ADCY2: variants seen among roughly 807,000 people sequenced by gnomAD.
The protein encoded by ADCY2 is adenylate cyclase 2, also known as adenylate cyclase type 2.
Under a neutral mutation model 125.2 loss-of-function variants are expected in ADCY2, and 31 were observed. The observed-to-expected ratio is 0.25, with a 90% confidence interval of 0.19 to 0.33. The LOEUF (loss-of-function observed/expected upper bound fraction) is 0.33. Ranked by LOEUF, ADCY2 falls within the 10% of genes least tolerant of loss-of-function variation. The pLI is 1.00. For missense variants in ADCY2, 904 were observed against 1,418.2 expected (o/e 0.64, Z 5.82); for synonymous variants, 512 against 548.4 (o/e 0.93, Z 0.93).
At position 7,533,580 on chromosome 5, in the gene ADCY2, C is replaced by T. The variant is rs112935360; in HGVS notation, c.570+12681C>T. Among the ~76,000 whole-genome samples, 1,104 of 152,102 alleles carry T rather than the reference C, an allele frequency of 7.3e-3. 16 individuals are homozygous for T. The highest frequency in any genetic ancestry group is 0.024 in the African/African-American group (1,014 of 41,482). On this transcript the variant is annotated intron_variant, in intron 3 of 24. Transcript: ENST00000338316. The stretch of plus-strand genomic sequence containing the variant: ...CATTTTTTTCTCTCCCATTTATTTA[C>T]ATAAATATTGTGGCTATACATTTTT...
chr5:7,400,620 G>A (rs1739228140), intron 1 of ADCY2, among the ~76,000 whole-genome samples: 1 of 152,214 alleles, frequency 6.6e-6, no homozygotes, highest in African/African-American at 2.4e-5. Flanking sequence ...GCAGACAAAT[G>A]TGCCCAACAT....
chr5:7,645,352 A>G (rs1738858258), intron 4 of ADCY2, among the ~76,000 whole-genome samples: 2 of 152,348 alleles, frequency 1.3e-5, no homozygotes, highest in African/African-American at 4.8e-5. Context: ...AAGTGATAAT[A>G]AAAGCGGAGC....
chr5:7,585,292 T>C (rs1353382662), intron 3 of ADCY2, among the ~76,000 whole-genome samples: 1 of 152,222 alleles, frequency 6.6e-6, no homozygotes, highest in Non-Finnish European at 1.5e-5. Context: ...TTCTGTGCCA[T>C]GCCTCTATGT....
intron 1 of ADCY2, among the ~76,000 whole-genome samples, chr5:7,404,530 C>T (rs1384939132): frequency 6.6e-6 from 1 of 152,184 alleles, no homozygotes; most frequent in African/African-American, 2.4e-5. Context: ...AGGGCACATC[C>T]CACAACACAC....
chr5:7,631,182 T>C (rs1329034607), intron 4 of ADCY2, among the ~76,000 whole-genome samples: 2 of 152,186 alleles, frequency 1.3e-5, no homozygotes, highest in African/African-American at 2.4e-5. Context: ...GTAATTACAC[T>C]GGACTAACCG....
intron 10 of ADCY2, among the ~76,000 whole-genome samples, chr5:7,711,977 G>A (rs1328256347): frequency 6.6e-6 from 1 of 152,152 alleles, no homozygotes; most frequent in Non-Finnish European, 1.5e-5. Context: ...TGACATTGCT[G>A]AAAGTGATTC....
chr5:7,809,161 T>G (rs1387907566), intron 22 of ADCY2, among the ~76,000 whole-genome samples: 1 of 152,218 alleles, frequency 6.6e-6, no homozygotes, highest in African/African-American at 2.4e-5. Context: ...GTGTTTTGCA[T>G]ATTGGTACCA....
At chr5:7,808,265 A>G (rs969337682) in intron 22 of ADCY2, among the ~76,000 whole-genome samples, 5 of 152,174 alleles carry the variant, frequency 3.3e-5, no homozygotes, top group Non-Finnish European at 7.3e-5. Context: ...GCCACCATCC[A>G]GACTATAACA....
chr5:7,771,527 A>G (rs903622421), intron 17 of ADCY2, among the ~76,000 whole-genome samples: 4 of 152,216 alleles, frequency 2.6e-5, no homozygotes, highest in African/African-American at 9.6e-5. Flanking sequence ...TTGAAGCCAC[A>G]GTGTCAGGTC....
chr5:7,652,949 G>GA (rs1383989481), intron 4 of ADCY2, among the ~76,000 whole-genome samples: 1 of 151,368 alleles, frequency 6.6e-6, no homozygotes, highest in African/African-American at 2.4e-5. Context: ...TGTAGAAAAG[G>GA]AAAAAAAGAA....
intron 4 of ADCY2, among the ~76,000 whole-genome samples, chr5:7,685,711 T>C (rs1740500907): frequency 6.6e-6 from 1 of 152,160 alleles, no homozygotes; most frequent in Admixed American, 6.5e-5. Flanking sequence ...AGGAGGACTG[T>C]TATTGTCTGA....
rs1579448788 is a variant in ADCY2 at position 7,443,823 on chromosome 5, G to A, written c.408+29053G>A. Among the ~76,000 whole-genome samples the A allele has an allele frequency of 5.3e-5, 8 of 151,686 alleles. No individual in the cohort carries two copies. In the South Asian group the frequency reaches 6.2e-4, roughly 12 times the overall value. On this transcript the variant is annotated intron_variant, in intron 2 of 24. Coordinates refer to ENST00000338316, the MANE Select transcript of ADCY2 (RefSeq NM_020546.3). Reference sequence around the variant, plus strand: ...TGCATTTCACGAAATACATAGGGTCGGAATATTGTGTTTTAACATCCCTTG... The same window carrying A: ...TGCATTTCACGAAATACATAGGGTCAGAATATTGTGTTTTAACATCCCTTG...
At chr5:7,516,873 A>G (rs1561069356) in intron 2 of ADCY2, among the ~76,000 whole-genome samples, 3 of 151,472 alleles carry the variant, frequency 2.0e-5, no homozygotes, top group African/African-American at 7.3e-5. Context: ...GGAGAGAAGC[A>G]GACAGACAGA....
At chr5:7,697,032 T>C (rs534929182) in intron 6 of ADCY2, among the ~76,000 whole-genome samples, 90 of 152,190 alleles carry the variant, frequency 5.9e-4, no homozygotes, top group Middle Eastern at 3.4e-3. Flanking sequence ...CAGTCTTGGC[T>C]GGGAACAGCA....
At chr5:7,443,470 C>T (rs1165183850) in intron 2 of ADCY2, among the ~76,000 whole-genome samples, 1 of 151,334 alleles carries the variant, frequency 6.6e-6, no homozygotes, top group African/African-American at 2.4e-5. Flanking sequence ...GAAACCCCGT[C>T]TCTACTAAAA....
At chr5:7,538,276 A>G (rs1040103468) in intron 3 of ADCY2, among the ~76,000 whole-genome samples, 3 of 152,206 alleles carry the variant, frequency 2.0e-5, no homozygotes, top group Non-Finnish European at 2.9e-5. Flanking sequence ...TTGAGCTCCA[A>G]TCCCAGTTCT....
intron 4 of ADCY2, among the ~76,000 whole-genome samples, chr5:7,632,871 G>A (rs980348692): frequency 1.3e-5 from 2 of 152,170 alleles, no homozygotes; most frequent in African/African-American, 4.8e-5. Context: ...CAAGTCTGCA[G>A]TATTTTCTGA....
At chr5:7,740,401 T>C (rs985176037) in intron 14 of ADCY2, among the ~76,000 whole-genome samples, 3 of 152,044 alleles carry the variant, frequency 2.0e-5, no homozygotes, top group African/African-American at 7.2e-5. Context: ...TAGTTGGAAA[T>C]GTTAATATAT....
chr5:7,594,122 C>A (rs1330863064), intron 3 of ADCY2, among the ~76,000 whole-genome samples: 1 of 152,168 alleles, frequency 6.6e-6, no homozygotes, highest in Non-Finnish European at 1.5e-5. Flanking sequence ...ATGACATGGT[C>A]TGACTTTCAT....
Sources: gnomAD v4.1 joint callset for allele counts (sites outside exome capture counted in the v4.1 genomes callset) on GRCh38, gnomAD v4.1.1 for gene constraint, MANE v1.5 for transcripts, NCBI Gene and HGNC (gene_info 2026-07-23, HGNC 2026-07-21) for gene names.